MRPL1: variants seen among roughly 807,000 people sequenced by gnomAD.
The protein encoded by MRPL1 is mitochondrial ribosomal protein L1, also known as large ribosomal subunit protein uL1m.
MRPL1 carries 28 observed loss-of-function variants against 38.0 expected under a neutral mutation model. That is an observed-to-expected ratio of 0.74 (90% CI 0.55 to 1.01). The LOEUF is 1.01. Ranked by LOEUF, MRPL1 falls within the 50% of genes least tolerant of loss-of-function variation. The pLI, the probability that MRPL1 is intolerant of heterozygous loss-of-function variation, is 0.00. For missense variants in MRPL1, 358 were observed against 389.8 expected (o/e 0.92, Z 0.69); for synonymous variants, 123 against 126.7 (o/e 0.97, Z 0.20).
At chr4:77,926,734 G>A (rs1221259453) in intron 7 of MRPL1, among the ~76,000 whole-genome samples, 1 of 151,162 alleles carries the variant, frequency 6.6e-6, no homozygotes, top group Non-Finnish European at 1.5e-5. Flanking sequence ...TCAGTCTCCT[G>A]TTTAGCTGGG....
chr4:77,868,802 G>A (rs1735213001), intron 1 of MRPL1, among the ~76,000 whole-genome samples: 1 of 152,198 alleles, frequency 6.6e-6, no homozygotes, highest in Admixed American at 6.5e-5. Flanking sequence ...GAAGATGAGT[G>A]TATTTGTAGC....
chr4:77,934,817 A>G (rs996644317), intron 7 of MRPL1, among the ~76,000 whole-genome samples: 3 of 152,212 alleles, frequency 2.0e-5, no homozygotes, highest in Non-Finnish European at 4.4e-5. Context: ...AAAGTGCAGC[A>G]CACACATGGA....
intron 1 of MRPL1, among the ~76,000 whole-genome samples, chr4:77,870,149 C>T (rs1735245137): frequency 6.6e-6 from 1 of 152,070 alleles, no homozygotes; most frequent in South Asian, 2.1e-4. Flanking sequence ...CTGCCTTGGC[C>T]TCCCAAAGTG....
chr4:77,904,405 T>C (rs1299206612), intron 6 of MRPL1, among the ~76,000 whole-genome samples: 1 of 151,772 alleles, frequency 6.6e-6, no homozygotes, highest in African/African-American at 2.4e-5. Context: ...AATACAAAAA[T>C]TAGCTCAATT....
intron 7 of MRPL1, among the ~76,000 whole-genome samples, chr4:77,928,378 A>T (rs1263212818): frequency 1.3e-5 from 2 of 152,230 alleles, no homozygotes; most frequent in African/African-American, 4.8e-5. Context: ...GCTAGCCAGG[A>T]ATATTGCTTA....
intron 7 of MRPL1, among the ~76,000 whole-genome samples, chr4:77,910,188 G>T (rs1410152720): frequency 6.6e-6 from 1 of 152,170 alleles, no homozygotes; most frequent in Admixed American, 6.6e-5. Context: ...GAGAAGTTAA[G>T]TAACTTTTCC....
chr4:77,883,165 T>C, intron 2 of MRPL1, 77 bp from the exon 3 acceptor site: 1 of 965,704 alleles, frequency 1.0e-6, no homozygotes, highest in South Asian at 2.1e-5. Context: ...TTTTTTCTCT[T>C]ATGTACACTG....
chr4:77,932,917 G>A (rs2110260446), intron 7 of MRPL1, among the ~76,000 whole-genome samples: 1 of 150,970 alleles, frequency 6.6e-6, no homozygotes, highest in Middle Eastern at 3.4e-3. Context: ...AAAACTTTGA[G>A]AGAAGGGAAC....
At position 77,883,517 on chromosome 4, in the gene MRPL1, A is replaced by C. The variant is rs767954787; in HGVS notation, c.402+17A>C. 3.2e-6 allele frequency: 5 copies of C among 1,574,244 alleles called. No individual in the cohort carries two copies. In the South Asian group the frequency reaches 6.0e-5, roughly 19 times the overall value. On this transcript the variant is annotated intron_variant, in intron 3 of 8. Coordinates refer to ENST00000315567, the MANE Select transcript of MRPL1 (RefSeq NM_020236.4). ...GGAAAGAAGGTATGTAGAGTCCATT[A>C]AAATAAGTTTACCTGTGAACAGTGG...
chr4:77,943,176 T>A (rs1212272755), intron 7 of MRPL1, among the ~76,000 whole-genome samples: 1 of 149,572 alleles, frequency 6.7e-6, no homozygotes, highest in East Asian at 2.0e-4. Flanking sequence ...TGGCCAATAA[T>A]TTTTTTTTTA....
At chr4:77,903,181 A>C (rs939788435) in intron 6 of MRPL1, among the ~76,000 whole-genome samples, 1 of 152,220 alleles carries the variant, frequency 6.6e-6, no homozygotes. Flanking sequence ...AGTGACATTT[A>C]TTCCAGTTAT....
intron 7 of MRPL1, among the ~76,000 whole-genome samples, chr4:77,933,810 C>T (rs1736901934): frequency 6.6e-6 from 1 of 152,198 alleles, no homozygotes; most frequent in Non-Finnish European, 1.5e-5. Context: ...ACAGTTGTAT[C>T]TTGTAAAGCT....
chr4:77,922,445 G>A (rs1157535944), intron 7 of MRPL1, among the ~76,000 whole-genome samples: 1 of 152,152 alleles, frequency 6.6e-6, no homozygotes, highest in Non-Finnish European at 1.5e-5. Context: ...ACCCTTTGAA[G>A]GGATTGAGCA....
At chr4:77,869,522 T>C (rs1442075168) in intron 1 of MRPL1, among the ~76,000 whole-genome samples, 1 of 152,162 alleles carries the variant, frequency 6.6e-6, no homozygotes, top group Non-Finnish European at 1.5e-5. Context: ...CTGTTGAAAA[T>C]TGTAGTTTCT....
rs146179940 is a variant in MRPL1, at chr4:77,943,237, G to C, written c.778-6560G>C. Among the ~76,000 whole-genome samples, 645 of 152,078 alleles carry C rather than the reference G, an allele frequency of 4.2e-3. 7 individuals are homozygous for C. The highest frequency in any genetic ancestry group is 0.015 in the African/African-American group (621 of 41,492). ...CCCTTCTAGCTTGTAGGGTTTCTGT[G>C]GAGAAATCTGCTGTTAATCTGATGG... On this transcript the variant is annotated intron_variant, in intron 7 of 8. Transcript: ENST00000315567.
chr4:77,879,557 G>T (rs752288436), intron 2 of MRPL1, among the ~76,000 whole-genome samples: 1 of 152,112 alleles, frequency 6.6e-6, no homozygotes, highest in African/African-American at 2.4e-5. Context: ...AATTGCATAG[G>T]TTCCACTATG....
intron 6 of MRPL1, among the ~76,000 whole-genome samples, chr4:77,907,544 C>T (rs1736185091): frequency 7.0e-6 from 1 of 142,066 alleles, no homozygotes; most frequent in South Asian, 2.6e-4. Context: ...CTCTCTCTCT[C>T]AGCCTCCCTC....
chr4:77,908,541 CTTTTGCCATAGGTTA>C (rs1349366485), intron 6 of MRPL1, among the ~76,000 whole-genome samples: 3 of 152,078 alleles, frequency 2.0e-5, no homozygotes, highest in Non-Finnish European at 4.4e-5. Context: ...CCAGTGTTAT[CTTTTGCCATAGGTTA>C]TTTTATAGAT....
At chr4:77,901,597 A>G (rs1475947619) in intron 6 of MRPL1, among the ~76,000 whole-genome samples, 2 of 152,178 alleles carry the variant, frequency 1.3e-5, no homozygotes, top group Non-Finnish European at 2.9e-5. Context: ...GTTGGATTCT[A>G]TATTAATATC....
Sources: gnomAD v4.1 joint callset for allele counts (sites outside exome capture counted in the v4.1 genomes callset) on GRCh38, gnomAD v4.1.1 for gene constraint, MANE v1.5 for transcripts, NCBI Gene and HGNC (gene_info 2026-07-23, HGNC 2026-07-21) for gene names.